The following ZDBF2 variants were observed in gnomAD, a reference collection of about 807,000 sequenced individuals.
The protein encoded by ZDBF2 is zinc finger DBF-type containing 2, also known as DBF4-type zinc finger-containing protein 2.
Under a neutral mutation model 9.4 loss-of-function variants are expected in ZDBF2, and 6 were observed. That is an observed-to-expected ratio of 0.64 (90% CI 0.35 to 1.27). The LOEUF (loss-of-function observed/expected upper bound fraction) is 1.27. Among genes scored for constraint, ZDBF2 ranks in the 50% most tolerant of loss-of-function variants. ZDBF2 has a pLI of 0.03. For synonymous variants in ZDBF2, 905 were observed against 946.3 expected, an observed-to-expected ratio of 0.96 and a Z score of 0.80; for missense variants, 2,697 against 2,766.8, an observed-to-expected ratio of 0.97 and a Z score of 0.57.
intron 1 of ZDBF2, among the ~76,000 whole-genome samples, chr2:206,277,981 T>G (rs1421060305): frequency 1.3e-5 from 2 of 152,162 alleles, no homozygotes; most frequent in Non-Finnish European, 2.9e-5. Flanking sequence ...TCTATTTTAT[T>G]TTACTCTATT....
Position 206,306,638 on chromosome 2 carries a change from T to C in ZDBF2, c.2110T>C (p.Ser704Pro). ...LENKSVQSSR[S>P]SLSSDSPASL... is the part of the protein sequence containing the mutation. ...GAATAAGAGTGTTCAGTCTAGCCGT[T>C]CTTCTCTGAGTTCTGATTCTCCGGC... The change falls in exon 5 of 5, where the codon TCT (serine) becomes CCT (proline). Residue 704 changes from serine to proline, a missense_variant. Coordinates refer to ENST00000374423, the MANE Select transcript of ZDBF2 (RefSeq NM_020923.3). 1 of 1,613,758 alleles carries C rather than the reference T, an allele frequency of 6.2e-7. No homozygotes were observed. Among genetic ancestry groups the C allele is most frequent in the Non-Finnish European group, 8.5e-7 (1 of 1,179,784 alleles).
Position 206,311,191 on chromosome 2 carries a change from T to C in ZDBF2, c.6663T>C (p.Asp2221=). 6.2e-7 allele frequency: 1 copy of C among 1,612,858 alleles called. No homozygotes were observed. Among genetic ancestry groups the C allele is most frequent in the Non-Finnish European group, 8.5e-7 (1 of 1,179,628 alleles). ...TTTGGATTCGGACCAAACCAAGTGATATCATTAGAAAGTATATTTCGAAAT... is the reference window on the plus strand; with the variant it reads ...TTTGGATTCGGACCAAACCAAGTGACATCATTAGAAAGTATATTTCGAAAT... ...QSIWIRTKPS[D]IIRKYISKYS... The change falls in exon 5 of 5, where the codon GAT becomes GAC. Residue 2221 remains aspartate, a synonymous_variant. Coordinates refer to ENST00000374423, the MANE Select transcript of ZDBF2 (RefSeq NM_020923.3).
chr2:206,307,099 C>G lies in ZDBF2; in HGVS notation c.2571C>G (p.Tyr857Ter). ...AAGAAGTAATTCAGAAAGAAGAGTA[C>G]ATTCACTTAGAAAGGAAGAATGATG... Reference protein sequence around the residue: ...AVKEVIQKEEYIHLERKNDEP... With the variant: ...AVKEVIQKEE Residue 857 changes from tyrosine (Y) to a stop codon, truncating the protein, a stop_gained, in exon 5 of 5, where the codon TAC (tyrosine) becomes TAG (stop). Coordinates refer to ENST00000374423, the MANE Select transcript of ZDBF2 (RefSeq NM_020923.3). LOFTEE classifies it low-confidence loss of function (END_TRUNC). The G allele has an allele frequency of 1.2e-6, 2 of 1,611,858 alleles. No individual in the cohort carries two copies. The highest frequency in any genetic ancestry group is 1.7e-6 in the Non-Finnish European group (2 of 1,179,220).
At position 206,308,769 on chromosome 2, in the gene ZDBF2, C is replaced by T. The variant is rs1692967782; in HGVS notation, c.4241C>T (p.Ser1414Phe). 1.9e-6 allele frequency: 3 copies of T among 1,613,594 alleles called. No individual in the cohort carries two copies. The African/African-American group carries it at 4.0e-5, about 22-fold the overall frequency. ...GGTGATTTTGATGTAAGTTATGCTT[C>T]TCATATTCCTGTTCAGTTTGTGACT... is the stretch of plus-strand genomic sequence containing the variant. ...KLGDFDVSYASHIPVQFVTDQ... is the reference protein window; with the variant it reads ...KLGDFDVSYAFHIPVQFVTDQ... Residue 1414 changes from serine (S) to phenylalanine (F), a missense_variant, in exon 5 of 5, where the codon TCT becomes TTT. Ser to Phe is a radical substitution (Grantham distance 155). This residue lies in a region of ZDBF2 where 1,783 missense variants were observed against 1,776.5 expected (regional missense o/e 1.00). Coordinates refer to ENST00000374423, the MANE Select transcript of ZDBF2 (RefSeq NM_020923.3).
chr2:206,296,768 A>C (rs1326766818), intron 3 of ZDBF2, among the ~76,000 whole-genome samples: 1 of 152,098 alleles, frequency 6.6e-6, no homozygotes, highest in Non-Finnish European at 1.5e-5. Context: ...TTTTTTCTTA[A>C]TATGTAACGT....
chr2:206,285,360 C>A (rs1691547377), intron 3 of ZDBF2, among the ~76,000 whole-genome samples: 1 of 152,072 alleles, frequency 6.6e-6, no homozygotes, highest in African/African-American at 2.4e-5. Context: ...GAGATGATAT[C>A]TCATTGTGGT....
chr2:206,309,558 C>T lies in ZDBF2; in HGVS notation c.5030C>T (p.Thr1677Ile), dbSNP rs760415734. 9.9e-6 allele frequency: 16 copies of T among 1,613,966 alleles called. No individual in the cohort carries two copies. The highest frequency in any genetic ancestry group is 1.3e-5 in the Non-Finnish European group (15 of 1,179,894). ...TTGGAAGACACTTCTCATCGAACGA[C>T]TCACCGACTGCAGAAAGCTCACAAA... is the stretch of plus-strand genomic sequence containing the variant. ...FNLEDTSHRT[T>I]HRLQKAHKEA... Residue 1677 changes from threonine (T) to isoleucine (I), a missense_variant, in exon 5 of 5, where the codon ACT becomes ATT. Coordinates refer to ENST00000374423, the MANE Select transcript of ZDBF2 (RefSeq NM_020923.3).
chr2:206,283,020 A>T (rs1347524823), intron 3 of ZDBF2, among the ~76,000 whole-genome samples: 1 of 152,256 alleles, frequency 6.6e-6, no homozygotes, highest in East Asian at 1.9e-4. Flanking sequence ...TTCACGGTTC[A>T]TCCAGGCTGT....
chr2:206,308,473 T>A lies in ZDBF2; in HGVS notation c.3945T>A (p.Val1315=). ...TAAATCTTTTGAGGGAGGAACATGTTTGTCTGGATGATAAGGGCTATGTGC... is the reference window on the plus strand; with the variant it reads ...TAAATCTTTTGAGGGAGGAACATGTATGTCTGGATGATAAGGGCTATGTGC... ...KEINLLREEH[V]CLDDKGYVPS... The change falls in exon 5 of 5, where the codon GTT becomes GTA. Residue 1315 remains valine (V), a synonymous_variant. Transcript: ENST00000374423. The A allele has an allele frequency of 6.2e-7, 1 of 1,613,708 alleles. No individual in the cohort carries two copies. The highest frequency in any genetic ancestry group is 8.5e-7 in the Non-Finnish European group (1 of 1,179,796).
chr2:206,307,081 A>C lies in ZDBF2; in HGVS notation c.2553A>C (p.Val851=), dbSNP rs746958522. ...NDHPEVAVKE[V]IQKEEYIHLE... Reference sequence around the variant, plus strand: ...ACCCTGAAGTAGCTGTTAAAGAAGTAATTCAGAAAGAAGAGTACATTCACT... The same window carrying C: ...ACCCTGAAGTAGCTGTTAAAGAAGTCATTCAGAAAGAAGAGTACATTCACT... The change falls in exon 5 of 5, where the codon GTA becomes GTC. Residue 851 remains valine, a synonymous_variant. Transcript: ENST00000374423. The C allele has an allele frequency of 6.2e-7, 1 of 1,611,690 alleles. No individual in the cohort carries two copies. Among genetic ancestry groups the C allele is most frequent in the South Asian group, 1.1e-5 (1 of 90,504 alleles).
rs1471265787 is a variant in ZDBF2, at chr2:206,307,581, T to G, written c.3053T>G (p.Val1018Gly). 1 of 1,613,164 alleles carries G rather than the reference T, an allele frequency of 6.2e-7. No homozygotes were observed. Among genetic ancestry groups the G allele is most frequent in the South Asian group, 1.1e-5 (1 of 90,800 alleles). The change falls in exon 5 of 5, where the codon GTT (valine) becomes GGT (glycine). Residue 1018 changes from valine (V) to glycine (G), a missense_variant. Physicochemically the swap from Val to Gly is moderately radical, Grantham distance 109. Transcript: ENST00000374423. ...TCAGTAACTGAACCTCAAGTAGCTG[T>G]TAACAAAATAAACAGAAAGAAGCAA... is the stretch of plus-strand genomic sequence containing the variant. ...HYSVTEPQVA[V>G]NKINRKKQYV...
At chr2:206,293,722 C>T (rs1692018950) in intron 3 of ZDBF2, among the ~76,000 whole-genome samples, 1 of 152,130 alleles carries the variant, frequency 6.6e-6, no homozygotes, top group South Asian at 2.1e-4. Context: ...CAATAAACAT[C>T]CTTACAATAG....
At chr2:206,283,797 G>A (rs533408323) in intron 3 of ZDBF2, among the ~76,000 whole-genome samples, 1 of 152,130 alleles carries the variant, frequency 6.6e-6, no homozygotes, top group East Asian at 1.9e-4. Flanking sequence ...CCAAGTACCT[G>A]GGACTACTGG....
chr2:206,304,574 GT>G, intron 4 of ZDBF2, 142 bp from the exon 5 acceptor site: 1 of 999,562 alleles, frequency 1.0e-6, no homozygotes, highest in Non-Finnish European at 1.4e-6. Context: ...TCCATGCAGT[GT>G]TCAGCCTGGG....
At chr2:206,284,571 G>C (rs1186950079) in intron 3 of ZDBF2, among the ~76,000 whole-genome samples, 1 of 152,080 alleles carries the variant, frequency 6.6e-6, no homozygotes, top group Non-Finnish European at 1.5e-5. Flanking sequence ...CTTTAATTTT[G>C]TATTCATTAA....
chr2:206,310,757 A>G lies in ZDBF2; in HGVS notation c.6229A>G (p.Asn2077Asp). 3 of 1,614,000 alleles carry G rather than the reference A, an allele frequency of 1.9e-6. No individual in the cohort carries two copies. Among genetic ancestry groups the G allele is most frequent in the Non-Finnish European group, 2.5e-6 (3 of 1,179,902 alleles). ...SVIVPEFERR[N>D]WVKIHFNRSN... ...AATAGTACCAGAGTTTGAGAGGCGT[A>G]ACTGGGTTAAAATTCATTTTAATAG... Residue 2077 changes from asparagine (N) to aspartate (D), a missense_variant, in exon 5 of 5, where the codon AAC becomes GAC. Around this residue, in one of 3 missense-constraint regions of ZDBF2, gnomAD observed 1,783 missense variants for 1,776.5 expected, o/e 1.00. Transcript: ENST00000374423.
intron 4 of ZDBF2, among the ~76,000 whole-genome samples, chr2:206,303,493 A>G (rs150323463): frequency 1.4e-4 from 22 of 152,334 alleles, no homozygotes; most frequent in African/African-American, 3.8e-4. Flanking sequence ...TTTTATGTAC[A>G]TGAAAGAACA....
chr2:206,311,622 G>A lies in ZDBF2; in HGVS notation c.*29G>A, dbSNP rs1304799370. On this transcript the variant is annotated 3_prime_UTR_variant, in exon 5 of 5. Transcript: ENST00000374423. ...TTGGTTTTGTGTTCAGGCTAGTTGA[G>A]GATTCAGTACTTCAGTTGAAATATA... 2 of 1,442,698 alleles carry A rather than the reference G, an allele frequency of 1.4e-6. No homozygotes were observed. Among genetic ancestry groups the A allele is most frequent in the Non-Finnish European group, 1.8e-6 (2 of 1,094,952 alleles). 89.4% of individuals were successfully genotyped at this position (1,442,698 alleles called of 1,614,324 possible).
intron 3 of ZDBF2, among the ~76,000 whole-genome samples, chr2:206,289,386 T>TGCC (rs1691769394): frequency 6.6e-6 from 1 of 152,176 alleles, no homozygotes; most frequent in Admixed American, 6.5e-5. Flanking sequence ...CATGACTTCT[T>TGCC]TGAGCCGCTG....
Sources: allele counts gnomAD v4.1 joint callset (sites outside exome capture counted in the v4.1 genomes callset), GRCh38; gene constraint gnomAD v4.1.1; regional missense constraint gnomAD v4.1.1; transcripts MANE v1.5; gene names NCBI Gene and HGNC (gene_info 2026-07-23, HGNC 2026-07-21).